SORBS2: variants seen among roughly 807,000 people sequenced by gnomAD.
SORBS2 encodes the protein sorbin and SH3 domain-containing protein 2.
SORBS2 carries 46 observed loss-of-function variants against 97.7 expected under a neutral mutation model. The observed-to-expected ratio is 0.47, with a 90% CI of 0.37 to 0.60. The LOEUF is 0.60. Among genes scored for constraint, SORBS2 ranks in the 20% least tolerant of loss-of-function variants. SORBS2 has a pLI of 0.00. For missense variants in SORBS2, 1,316 were observed against 1,282.3 expected (o/e 1.03, Z -0.40); for synonymous variants, 476 against 473.4 (o/e 1.01, Z -0.07).
intron 1 of SORBS2, among the ~76,000 whole-genome samples, chr4:185,922,791 A>G (rs2099261523): frequency 6.6e-6 from 1 of 152,192 alleles, no homozygotes; most frequent in Non-Finnish European, 1.5e-5. Context: ...CTTTTCCTTT[A>G]AAAATTGACA....
intron 2 of SORBS2, among the ~76,000 whole-genome samples, chr4:185,721,853 A>C (rs1280004104): frequency 5.3e-5 from 8 of 152,234 alleles, no homozygotes; most frequent in Non-Finnish European, 8.8e-5. Context: ...GGTTCCGTAT[A>C]ATTAGGCCCT....
chr4:185,892,264 C>CT (rs1439819084), intron 1 of SORBS2, among the ~76,000 whole-genome samples: 1 of 152,172 alleles, frequency 6.6e-6, no homozygotes, highest in African/African-American at 2.4e-5. Context: ...AAATATCCAG[C>CT]TATGAAGGAA....
In SORBS2 at chr4:185,879,165, T is replaced by TCCC. The variant is rs1224668040; in HGVS notation, c.-338+77028_-338+77030dup. Reference sequence around the variant, plus strand: ...TAGGTATATCTCCTAATGCTATCCCTCCCCCCCCCCCACCCCACGACAGGC... The same window carrying TCCC: ...TAGGTATATCTCCTAATGCTATCCCTCCCCCCCCCCCCCCACCCCACGACAGGC... On this transcript the variant is annotated intron_variant, in intron 1 of 20. Coordinates refer to the SORBS2 transcript ENST00000284776. Among the ~76,000 whole-genome samples the TCCC allele has an allele frequency of 1.8e-3, 101 of 57,146 alleles. 1 individual carries two copies. The highest frequency in any genetic ancestry group is 8.6e-3 in the African/African-American group (86 of 10,038). The allele number at this position is 57,146 out of a possible 152,430, so 37.5% of individuals were successfully genotyped here.
At chr4:185,757,109 A>T (rs1044314116) in intron 2 of SORBS2, 2 of 557,086 alleles carry the variant, frequency 3.6e-6, no homozygotes, top group Admixed American at 2.3e-5. Flanking sequence ...GTGGAAAAGC[A>T]GGAAGCACAC....
intron 1 of SORBS2, among the ~76,000 whole-genome samples, chr4:185,886,649 G>C (rs1314469183): frequency 6.6e-6 from 1 of 151,834 alleles, no homozygotes; most frequent in East Asian, 1.9e-4. Context: ...CCACGGCTCA[G>C]GTCAATCTGG....
At chr4:185,651,819 G>T in intron 2 of SORBS2, 4 of 1,478,146 alleles carry the variant, frequency 2.7e-6, no homozygotes, top group Non-Finnish European at 3.8e-6. Context: ...ATACATGTCT[G>T]TGTCATCATC....
At chr4:185,797,424 C>T (rs1049339324) in intron 1 of SORBS2, among the ~76,000 whole-genome samples, 4 of 152,076 alleles carry the variant, frequency 2.6e-5, no homozygotes, top group Admixed American at 6.6e-5. Context: ...ATTACTTTTC[C>T]TCTGTAAAGA....
At chr4:185,935,102 C>A (rs1210200862) in intron 1 of SORBS2, among the ~76,000 whole-genome samples, 1 of 152,172 alleles carries the variant, frequency 6.6e-6, no homozygotes, top group African/African-American at 2.4e-5. Context: ...AGCTCTTTCC[C>A]CAGTTCTTAA....
intron 4 of SORBS2, among the ~76,000 whole-genome samples, chr4:185,671,279 G>T (rs2097708655): frequency 6.6e-6 from 1 of 152,204 alleles, no homozygotes; most frequent in South Asian, 2.1e-4. Flanking sequence ...TATTTCTACT[G>T]TACTCTGTGG....
chr4:185,940,150 C>G (rs370671342), intron 1 of SORBS2, among the ~76,000 whole-genome samples: 65 of 152,288 alleles, frequency 4.3e-4, no homozygotes, highest in Middle Eastern at 3.4e-3. Context: ...CCTCACCCTC[C>G]TCTCTCCTTT....
intron 1 of SORBS2, among the ~76,000 whole-genome samples, chr4:185,911,126 G>A (rs2099254824): frequency 6.6e-6 from 1 of 152,188 alleles, no homozygotes; most frequent in Admixed American, 6.5e-5. Context: ...TTACAAACAA[G>A]TTTATGCCCT....
intron 1 of SORBS2, among the ~76,000 whole-genome samples, chr4:185,820,989 A>C: frequency 6.6e-6 from 1 of 152,168 alleles, no homozygotes; most frequent in East Asian, 1.9e-4. Flanking sequence ...TCAATCCGAC[A>C]AACATTTCTT....
intron 1 of SORBS2, among the ~76,000 whole-genome samples, chr4:185,806,128 A>C (rs1384287000): frequency 6.6e-6 from 1 of 152,256 alleles, no homozygotes. Flanking sequence ...AGGATTCTCC[A>C]TGCAGCCGAA....
At chr4:185,624,447 G>T (rs766553554) in exon 7 of SORBS2, 125 of 1,613,516 alleles carry the variant, frequency 7.7e-5, no homozygotes, top group Non-Finnish European at 1.0e-4. Flanking sequence ...TTGCCGTTGA[G>T]CCCTGAGTAA....
intron 4 of SORBS2, among the ~76,000 whole-genome samples, chr4:185,633,596 T>C (rs2096943014): frequency 6.6e-6 from 1 of 152,044 alleles, no homozygotes; most frequent in Non-Finnish European, 1.5e-5. Context: ...AATTCAATAG[T>C]TAACAAGAAA....
chr4:185,615,161 T>A lies in SORBS2; in HGVS notation c.2352-2A>T. ...TCTCCTTTCTTAAATGACAACTCCC[T>A]GGAAGAGACACGTTGACATGGTCTT... is the stretch of plus-strand genomic sequence containing the variant. On this transcript the variant is annotated splice_acceptor_variant, in intron 9 of 14. Coordinates refer to ENST00000418609, the Ensembl canonical transcript of SORBS2. LOFTEE classifies it high-confidence loss of function. 1 of 1,546,974 alleles carries A rather than the reference T, an allele frequency of 6.5e-7. No homozygotes were observed. Among genetic ancestry groups the A allele is most frequent in the Non-Finnish European group, 8.9e-7 (1 of 1,118,858 alleles).
intron 2 of SORBS2, among the ~76,000 whole-genome samples, chr4:185,742,483 G>C (rs2098733511): frequency 6.6e-6 from 1 of 152,168 alleles, no homozygotes; most frequent in African/African-American, 2.4e-5. Flanking sequence ...CTACTGCCCA[G>C]ACATACGGAT....
At chr4:185,873,833 AT>A (rs1161684732) in intron 1 of SORBS2, among the ~76,000 whole-genome samples, 3 of 152,328 alleles carry the variant, frequency 2.0e-5, no homozygotes, top group Admixed American at 2.0e-4. Flanking sequence ...AGACATAAAA[AT>A]ATAACATGAA....
intron 1 of SORBS2, among the ~76,000 whole-genome samples, chr4:185,789,158 G>A (rs6858040): frequency 0.17 from 26,091 of 152,096 alleles, 2,523 homozygotes; most frequent in East Asian, 0.43. Flanking sequence ...TCTTTTTTGT[G>A]AAGTCTTCAA....
Sources: gnomAD v4.1 joint callset for allele counts (sites outside exome capture counted in the v4.1 genomes callset) on GRCh38, gnomAD v4.1.1 for gene constraint, MANE v1.5 for transcripts, NCBI Gene and HGNC (gene_info 2026-07-23, HGNC 2026-07-21) for gene names.